The following FBXW11 variants were observed in gnomAD, a reference collection of about 807,000 sequenced individuals.
FBXW11 encodes the protein F-box/WD repeat-containing protein 11.
FBXW11 carries 19 observed loss-of-function variants against 77.6 expected under a neutral mutation model. That is an observed-to-expected ratio of 0.24 (90% CI 0.17 to 0.36). The LOEUF is 0.36. FBXW11 is among the 10% of genes least tolerant of loss of function. FBXW11 has a pLI of 1.00. For synonymous variants in FBXW11, 235 were observed against 249.4 expected (o/e 0.94, Z 0.54); for missense variants, 334 against 704.2 (o/e 0.47, Z 5.95).
At chr5:171,994,696 A>T (rs1409070689) in intron 1 of FBXW11, among the ~76,000 whole-genome samples, 1 of 152,210 alleles carries the variant, frequency 6.6e-6, no homozygotes, top group Non-Finnish European at 1.5e-5. Flanking sequence ...TACTACTAGT[A>T]CCATTACTAC....
chr5:171,915,956 G>C (rs1242357965), intron 2 of FBXW11, among the ~76,000 whole-genome samples: 1 of 151,842 alleles, frequency 6.6e-6, no homozygotes, highest in Admixed American at 6.6e-5. Context: ...GGATGAAGCT[G>C]GAAACCATCA....
intron 1 of FBXW11, among the ~76,000 whole-genome samples, chr5:171,971,582 A>G (rs1238398105): frequency 6.6e-6 from 1 of 152,158 alleles, no homozygotes; most frequent in Non-Finnish European, 1.5e-5. Flanking sequence ...AGGTTTCTGT[A>G]TATGTTACCA....
intron 7 of FBXW11, among the ~76,000 whole-genome samples, chr5:171,885,489 T>C (rs1271390464): frequency 6.6e-6 from 1 of 152,230 alleles, no homozygotes; most frequent in Non-Finnish European, 1.5e-5. Flanking sequence ...GTCTCTCCAA[T>C]TTGTGGGGCA....
intron 3 of FBXW11, among the ~76,000 whole-genome samples, chr5:171,911,020 TA>T (rs141291170): frequency 0.068 from 10,334 of 152,238 alleles, 473 homozygotes; most frequent in Non-Finnish European, 0.098. Flanking sequence ...TAGCTATTTC[TA>T]AAAGGCACCT....
intron 7 of FBXW11, among the ~76,000 whole-genome samples, chr5:171,889,601 A>G (rs1298325398): frequency 2.0e-5 from 3 of 151,944 alleles, no homozygotes; most frequent in Non-Finnish European, 4.4e-5. Flanking sequence ...GAAAATGAAA[A>G]GACGGCCAGG....
At chr5:171,922,506 A>G (rs1473855291) in intron 2 of FBXW11, among the ~76,000 whole-genome samples, 3 of 152,218 alleles carry the variant, frequency 2.0e-5, no homozygotes, top group African/African-American at 7.2e-5. Context: ...AGCAGTTCCT[A>G]TCTCTCAAAC....
At chr5:171,921,536 T>C (rs1761597440) in intron 2 of FBXW11, among the ~76,000 whole-genome samples, 1 of 152,116 alleles carries the variant, frequency 6.6e-6, no homozygotes, top group African/African-American at 2.4e-5. Flanking sequence ...TTTAATAGAC[T>C]GCAAGCAGAA....
At chr5:171,905,544 C>T (rs989989505) in intron 4 of FBXW11, among the ~76,000 whole-genome samples, 5 of 151,890 alleles carry the variant, frequency 3.3e-5, no homozygotes, top group African/African-American at 7.2e-5. Flanking sequence ...CTTCTTGTTA[C>T]CTTCTGCAGA....
chr5:171,865,990 C>A (rs184399022), intron 13 of FBXW11, among the ~76,000 whole-genome samples: 1 of 152,220 alleles, frequency 6.6e-6, no homozygotes, highest in Non-Finnish European at 1.5e-5. Context: ...TGGGGCCGCA[C>A]GCGGTGGCTC....
At chr5:171,959,252 A>C (rs1763772441) in intron 1 of FBXW11, among the ~76,000 whole-genome samples, 1 of 152,072 alleles carries the variant, frequency 6.6e-6, no homozygotes. Context: ...TATATCATTG[A>C]AACTCCAGGT....
At chr5:172,003,169 G>A (rs1766519497) in intron 1 of FBXW11, 1 of 152,102 alleles carries the variant, frequency 6.6e-6, no homozygotes, top group South Asian at 2.1e-4. Context: ...AGGGAAGAGG[G>A]GATTCACTCA....
At chr5:171,924,994 G>A (rs866056683) in intron 2 of FBXW11, among the ~76,000 whole-genome samples, 182 of 152,232 alleles carry the variant, frequency 1.2e-3, no homozygotes, top group African/African-American at 4.1e-3. Context: ...GCCTGGCCCC[G>A]GCACAGACTG....
rs896071856 is a variant in FBXW11 at position 171,876,596 on chromosome 5, A to G, written c.972-62T>C. 1 of 1,584,052 alleles carries G rather than the reference A, an allele frequency of 6.3e-7. No homozygotes were observed. On this transcript the variant is annotated intron_variant, in intron 8 of 13. Coordinates refer to ENST00000517395, the MANE Select transcript of FBXW11 (RefSeq NM_001378974.1). The surrounding 1 kb of genome is among the most constrained non-coding windows in gnomAD (Gnocchi z 4.2). The stretch of plus-strand genomic sequence containing the variant: ...GAGACAGCCAGGAAATGATTCTGGT[A>G]TCTGAGCTCTGTCTGGGTCTGCAAT...
At chr5:171,888,675 C>T (rs536468128) in intron 7 of FBXW11, among the ~76,000 whole-genome samples, 10 of 152,222 alleles carry the variant, frequency 6.6e-5, no homozygotes, top group African/African-American at 2.2e-4. Flanking sequence ...ACCTGGCATA[C>T]AAAAATCAAG....
chr5:171,976,506 T>A (rs529129677), intron 1 of FBXW11, among the ~76,000 whole-genome samples: 11 of 152,292 alleles, frequency 7.2e-5, no homozygotes, highest in Non-Finnish European at 1.5e-4. Context: ...GGAAACTTAA[T>A]CCCAAATCTA....
In FBXW11 at chr5:171,910,726, T is replaced by C; in HGVS notation, c.282A>G (p.Lys94=). 1.2e-6 allele frequency: 2 copies of C among 1,613,842 alleles called. No individual in the cohort carries two copies. The highest frequency in any genetic ancestry group is 1.7e-6 in the Non-Finnish European group (2 of 1,179,888). ...RPSEGNYQKE[K]DLCIKYFDQW... ...GGTCAAAATATTTAATACACAAGTCTTTTTCTTTTTGATAGTTTCCTTCTG... is the reference window on the plus strand; with the variant it reads ...GGTCAAAATATTTAATACACAAGTCCTTTTCTTTTTGATAGTTTCCTTCTG... Residue 94 remains lysine, a synonymous_variant, in exon 4 of 14, where the codon AAA becomes AAG. Coordinates refer to ENST00000517395, the MANE Select transcript of FBXW11 (RefSeq NM_001378974.1).
At chr5:171,951,905 C>T (rs988303811) in intron 2 of FBXW11, among the ~76,000 whole-genome samples, 2 of 152,128 alleles carry the variant, frequency 1.3e-5, no homozygotes, top group Non-Finnish European at 2.9e-5. Context: ...AAAAGTTGAA[C>T]TAAGATTAGC....
At chr5:171,899,814 T>A (rs562461295) in intron 5 of FBXW11, 100 bp downstream of exon 5, 1 of 1,080,268 alleles carries the variant, frequency 9.3e-7, no homozygotes, top group Admixed American at 2.5e-5. Flanking sequence ...TTTTTAAAAA[T>A]AGGCCAGCAC....
chr5:171,960,094 A>C lies in FBXW11; in HGVS notation c.46-2396T>G, dbSNP rs150590166. Among the ~76,000 whole-genome samples the C allele has an allele frequency of 3.4e-3, 516 of 152,252 alleles. 3 individuals are homozygous for C. Among genetic ancestry groups the C allele is most frequent in the Non-Finnish European group, 5.3e-3 (361 of 68,020 alleles). ...AGAAGAGAGTTTAAGGACTACACCT[A>C]GCCAGGTGAGGTGGCTCACGCCTAT... is the stretch of plus-strand genomic sequence containing the variant. On this transcript the variant is annotated intron_variant, in intron 1 of 13. Transcript: ENST00000517395.
Sources: gnomAD v4.1 joint callset for allele counts (sites outside exome capture counted in the v4.1 genomes callset) on GRCh38, gnomAD v4.1.1 for gene constraint, Gnocchi (gnomAD v3.1) non-coding constraint, MANE v1.5 for transcripts, NCBI Gene and HGNC (gene_info 2026-07-23, HGNC 2026-07-21) for gene names.